CUEDC1: variants seen among roughly 807,000 people sequenced by gnomAD.
CUEDC1 encodes the protein CUE domain-containing protein 1.
A neutral mutation model predicts 43.7 loss-of-function variants in CUEDC1; 30 were observed. The ratio of observed to expected loss-of-function variants is 0.69; its 90% confidence interval spans 0.51 to 0.93. CUEDC1 has a LOEUF of 0.93. Ranked by LOEUF, CUEDC1 falls within the 40% of genes least tolerant of loss-of-function variation. The pLI is 0.00. For synonymous variants in CUEDC1, 223 were observed against 223.6 expected (o/e 1.00, Z 0.02); for missense variants, 486 against 549.0 (o/e 0.89, Z 1.15).
intron 1 of CUEDC1, among the ~76,000 whole-genome samples, chr17:57,946,518 G>A (rs2074961010): frequency 6.6e-6 from 1 of 151,814 alleles, no homozygotes; most frequent in Admixed American, 6.6e-5. Context: ...AGGTCTGCAA[G>A]TTCGCAACTA....
At chr17:57,936,827 T>C (rs1598021483) in intron 1 of CUEDC1, among the ~76,000 whole-genome samples, 1 of 124,380 alleles carries the variant, frequency 8.0e-6, no homozygotes, top group Non-Finnish European at 1.7e-5. Context: ...TCATTCACAC[T>C]TTTTTTTTTT....
intron 1 of CUEDC1, among the ~76,000 whole-genome samples, chr17:57,928,033 G>A (rs916704478): frequency 2.0e-5 from 3 of 152,204 alleles, no homozygotes; most frequent in Non-Finnish European, 2.9e-5. Flanking sequence ...ATGCCACAGG[G>A]CACTCAGGTA....
chr17:57,884,192 C>CTTTTTTTTTTTTTTT (rs780667346), intron 2 of CUEDC1, among the ~76,000 whole-genome samples: 1 of 81,360 alleles, frequency 1.2e-5, no homozygotes, highest in Non-Finnish European at 2.3e-5. Context: ...TTTTTCTTTT[C>CTTTTTTTTTTTTTTT]TTTTTTTTTT....
chr17:57,925,250 C>T (rs2074735752), intron 1 of CUEDC1, among the ~76,000 whole-genome samples: 1 of 152,040 alleles, frequency 6.6e-6, no homozygotes, highest in Non-Finnish European at 1.5e-5. Flanking sequence ...GTAAACTACC[C>T]AGGGGGCAAG....
At chr17:57,895,758 C>T (rs373449872) in intron 1 of CUEDC1, among the ~76,000 whole-genome samples, 42 of 152,294 alleles carry the variant, frequency 2.8e-4, no homozygotes, top group African/African-American at 9.4e-4. Flanking sequence ...GGCAGGAACA[C>T]GCGCGTTCAT....
At chr17:57,940,374 C>A (rs558052334) in intron 1 of CUEDC1, among the ~76,000 whole-genome samples, 24 of 152,154 alleles carry the variant, frequency 1.6e-4, no homozygotes, top group Admixed American at 3.3e-4. Context: ...CAGCTCTTCT[C>A]TCCTCTACAT....
intron 1 of CUEDC1, chr17:57,922,440 A>T (rs17762386): frequency 0.22 from 33,650 of 152,190 alleles, 4,321 homozygotes; most frequent in Non-Finnish European, 0.3. Flanking sequence ...TTTTCTTCAA[A>T]CAGAACAATC....
intron 1 of CUEDC1, among the ~76,000 whole-genome samples, chr17:57,888,047 C>A (rs1410450060): frequency 6.6e-6 from 1 of 151,372 alleles, no homozygotes; most frequent in Non-Finnish European, 1.5e-5. Flanking sequence ...ACTACAGGCA[C>A]GTGCCACCAC....
rs1555660568 is a variant in CUEDC1 at position 57,896,487 on chromosome 17, G to GGTGT, written c.-315-10612_-315-10609dup. Among the ~76,000 whole-genome samples, 1,068 of 130,330 alleles carry GGTGT rather than the reference G, an allele frequency of 8.2e-3. 12 individuals are homozygous for GGTGT. The highest frequency in any genetic ancestry group is 0.013 in the South Asian group (54 of 4,026). The allele number at this position is 130,330 out of a possible 152,430, so 85.5% of individuals were successfully genotyped here. On this transcript the variant is annotated intron_variant, in intron 1 of 10. Coordinates refer to ENST00000577830, the MANE Select transcript of CUEDC1 (RefSeq NM_001271875.2). ...GTCACTCTACTATAGTGCATTATGGGGTGTGTGTGTGTGTGTGTGTGTGTG... is the reference window on the plus strand; with the variant it reads ...GTCACTCTACTATAGTGCATTATGGGGTGTGTGTGTGTGTGTGTGTGTGTGTGTG...
intron 1 of CUEDC1, among the ~76,000 whole-genome samples, chr17:57,935,504 C>T (rs940558380): frequency 6.6e-6 from 1 of 152,124 alleles, no homozygotes. Flanking sequence ...GAAACTGGGG[C>T]CTCCAGGAAA....
chr17:57,873,729 C>T lies in CUEDC1; in HGVS notation c.465-12G>A. The T allele has an allele frequency of 6.4e-7, 1 of 1,557,686 alleles. No individual in the cohort carries two copies. Among genetic ancestry groups the T allele is most frequent in the Non-Finnish European group, 8.7e-7 (1 of 1,149,156 alleles). On this transcript the variant is annotated splice_polypyrimidine_tract_variant and intron_variant, in intron 3 of 10. Transcript: ENST00000577830. Reference sequence around the variant, plus strand: ...CCAGCGCGTCGATACTAGGGGATGGCAGGTGACAGGGAAGAGGAAGTCATT... The same window carrying T: ...CCAGCGCGTCGATACTAGGGGATGGTAGGTGACAGGGAAGAGGAAGTCATT...
chr17:57,947,105 C>T (rs1203211235), intron 1 of CUEDC1, among the ~76,000 whole-genome samples: 3 of 151,228 alleles, frequency 2.0e-5, no homozygotes, highest in Non-Finnish European at 4.4e-5. Flanking sequence ...AGAGAGGCTT[C>T]CCCTTAACAG....
In CUEDC1 at chr17:57,924,410, G is replaced by A. The variant is rs62081769; in HGVS notation, c.-316+30815C>T. 5.4e-5 allele frequency among the ~76,000 whole-genome samples: 8 copies of A among 149,392 alleles called. No homozygotes were observed. The South Asian group carries it at 6.4e-4, about 12-fold the overall frequency. On this transcript the variant is annotated intron_variant, in intron 1 of 10. Coordinates refer to ENST00000577830, the MANE Select transcript of CUEDC1 (RefSeq NM_001271875.2). ...TGAGCCACCGCGCCGGGCCTCTTCC[G>A]GCTTCTTTACGTTGCTGCTCAAAAC...
chr17:57,939,945 A>C (rs1168432762), intron 1 of CUEDC1, among the ~76,000 whole-genome samples: 4 of 148,558 alleles, frequency 2.7e-5, no homozygotes, highest in African/African-American at 7.5e-5. Context: ...ACCCCCACAC[A>C]CCCCCGGCAC....
intron 1 of CUEDC1, among the ~76,000 whole-genome samples, chr17:57,927,060 G>C (rs571924963): frequency 7.1e-4 from 108 of 152,212 alleles, no homozygotes; most frequent in Non-Finnish European, 1.2e-3. Context: ...AGGGATGGCC[G>C]GCCCTGCTGC....
At chr17:57,929,838 G>A (rs749900961) in intron 1 of CUEDC1, among the ~76,000 whole-genome samples, 11 of 152,126 alleles carry the variant, frequency 7.2e-5, no homozygotes, top group Non-Finnish European at 1.2e-4. Context: ...TTTCGCTCTT[G>A]TTGCCCAGGC....
chr17:57,889,925 G>A (rs534772974), intron 1 of CUEDC1, among the ~76,000 whole-genome samples: 5 of 152,330 alleles, frequency 3.3e-5, no homozygotes, highest in South Asian at 2.1e-4. Flanking sequence ...GGTCAGAGCC[G>A]TCCATGCCAG....
chr17:57,918,332 G>A (rs1173976138), intron 1 of CUEDC1, among the ~76,000 whole-genome samples: 1 of 152,156 alleles, frequency 6.6e-6, no homozygotes, highest in Non-Finnish European at 1.5e-5. Context: ...GGGTCTGCCA[G>A]TTCTCCCCTC....
chr17:57,938,143 C>T (rs1383770637), intron 1 of CUEDC1, among the ~76,000 whole-genome samples: 2 of 152,182 alleles, frequency 1.3e-5, no homozygotes, highest in Admixed American at 1.3e-4. Flanking sequence ...GTCACAGGCA[C>T]ACAGCCAGTT....
Sources: allele counts gnomAD v4.1 joint callset (sites outside exome capture counted in the v4.1 genomes callset), GRCh38; gene constraint gnomAD v4.1.1; transcripts MANE v1.5; gene names NCBI Gene and HGNC (gene_info 2026-07-23, HGNC 2026-07-21).